Variants in DLG2 observed in about 807,000 individuals in gnomAD.
DLG2 encodes discs large MAGUK scaffold protein 2.
A neutral mutation model predicts 132.5 loss-of-function variants in DLG2; 45 were observed. That is an observed-to-expected ratio of 0.34 (90% CI 0.27 to 0.44). The LOEUF is 0.44. Ranked by LOEUF, DLG2 falls within the 20% of genes least tolerant of loss-of-function variation. The pLI is 1.00. For synonymous variants in DLG2, 424 were observed against 419.6 expected (o/e 1.01, Z -0.13); for missense variants, 1,045 against 1,196.9 (o/e 0.87, Z 1.87).
intron 4 of DLG2, among the ~76,000 whole-genome samples, chr11:85,198,643 G>T (rs960112250): frequency 6.6e-6 from 1 of 151,994 alleles, no homozygotes; most frequent in Non-Finnish European, 1.5e-5. Context: ...CAACAAAAAG[G>T]TATCATTTTA....
At chr11:83,977,110 C>T (rs2092330680) in intron 12 of DLG2, among the ~76,000 whole-genome samples, 1 of 151,938 alleles carries the variant, frequency 6.6e-6, no homozygotes, top group Non-Finnish European at 1.5e-5. Context: ...TAATTAGCTA[C>T]ATATTTTGAA....
At chr11:84,753,273 TTGGATAAAGATGTGAC>T (rs1315346586) in intron 6 of DLG2, among the ~76,000 whole-genome samples, 2 of 152,030 alleles carry the variant, frequency 1.3e-5, no homozygotes, top group Non-Finnish European at 2.9e-5. Flanking sequence ...TTTCTGGCCG[TTGGATAAAGATGTGAC>T]TGGATAAAGA....
At chr11:84,899,955 G>C (rs1590907470) in intron 6 of DLG2, among the ~76,000 whole-genome samples, 1 of 151,988 alleles carries the variant, frequency 6.6e-6, no homozygotes, top group Non-Finnish European at 1.5e-5. Flanking sequence ...TACCTTAGTG[G>C]CCTGAAAGAG....
At position 83,784,380 on chromosome 11, in the gene DLG2, A is replaced by T. The variant is rs533384717; in HGVS notation, c.1825+2310T>A. Among the ~76,000 whole-genome samples, 9 of 152,374 alleles carry T rather than the reference A, an allele frequency of 5.9e-5. No homozygotes were observed. In the East Asian group the frequency reaches 1.7e-3, roughly 29 times the overall value. On this transcript the variant is annotated intron_variant, in intron 18 of 27. Coordinates refer to ENST00000376104, the MANE Select transcript of DLG2 (RefSeq NM_001142699.3). ...GCTCAGTTACACGTAAAGTTTGGAT[A>T]GGAGAGGAAAGAAATCTGATTGCTT...
At chr11:85,419,691 C>T (rs2090143217) in intron 3 of DLG2, among the ~76,000 whole-genome samples, 1 of 152,208 alleles carries the variant, frequency 6.6e-6, no homozygotes, top group Admixed American at 6.5e-5. Context: ...GATCTTCAAT[C>T]TCTGATATCA....
intron 14 of DLG2, among the ~76,000 whole-genome samples, chr11:83,962,137 T>G (rs2088977114): frequency 6.6e-6 from 1 of 152,054 alleles, no homozygotes; most frequent in Non-Finnish European, 1.5e-5. Flanking sequence ...TCTATCATTC[T>G]TTACACACAA....
chr11:85,205,044 A>G (rs1156387324), intron 4 of DLG2, among the ~76,000 whole-genome samples: 1 of 151,888 alleles, frequency 6.6e-6, no homozygotes, highest in Non-Finnish European at 1.5e-5. Flanking sequence ...AAAATGGAGT[A>G]AAGTCTTAAA....
chr11:83,471,817 A>T lies in DLG2; in HGVS notation c.2345-90T>A, dbSNP rs111622612. The T allele has an allele frequency of 3.4e-4, 341 of 997,482 alleles. 4 individuals are homozygous for T. The African/African-American group carries it at 5.0e-3, about 15-fold the overall frequency. The allele number at this position is 997,482 out of a possible 1,614,324, so 61.8% of individuals were successfully genotyped here. ...TGCAAGGGTGATTCTTAATTGCCAGACAGTAAGAGATGCTAAGGGCATTAC... is the reference window on the plus strand; with the variant it reads ...TGCAAGGGTGATTCTTAATTGCCAGTCAGTAAGAGATGCTAAGGGCATTAC... On this transcript the variant is annotated intron_variant, in intron 23 of 27. Transcript: ENST00000376104.
At chr11:84,633,820 T>G (rs1335370065) in intron 6 of DLG2, among the ~76,000 whole-genome samples, 1 of 152,142 alleles carries the variant, frequency 6.6e-6, no homozygotes, top group Non-Finnish European at 1.5e-5. Flanking sequence ...CACACTGGCC[T>G]GCTCTCGTTG....
chr11:83,529,701 A>G (rs2095690618), intron 21 of DLG2, among the ~76,000 whole-genome samples: 1 of 152,088 alleles, frequency 6.6e-6, no homozygotes, highest in African/African-American at 2.4e-5. Flanking sequence ...GATGTAGTTT[A>G]AAGGTTTTAT....
chr11:84,549,043 T>C (rs985273306), intron 6 of DLG2, among the ~76,000 whole-genome samples: 5 of 152,198 alleles, frequency 3.3e-5, no homozygotes, highest in Non-Finnish European at 7.3e-5. Context: ...GTATAAGTTT[T>C]GTGATAAGGA....
intron 6 of DLG2, among the ~76,000 whole-genome samples, chr11:85,019,488 A>G (rs1276514230): frequency 6.6e-6 from 1 of 152,082 alleles, no homozygotes; most frequent in African/African-American, 2.4e-5. Context: ...TTTTCATTAT[A>G]CTTTAAGTTC....
chr11:85,042,871 AAAAT>A (rs1380640351), intron 6 of DLG2, among the ~76,000 whole-genome samples: 1 of 151,948 alleles, frequency 6.6e-6, no homozygotes, highest in East Asian at 1.9e-4. Flanking sequence ...GATATTTTAG[AAAAT>A]AAAGGAGGAA....
chr11:84,179,069 T>C (rs1450402256), intron 8 of DLG2, among the ~76,000 whole-genome samples: 1 of 151,958 alleles, frequency 6.6e-6, no homozygotes, highest in Non-Finnish European at 1.5e-5. Context: ...AAAGCAGCCA[T>C]AAATATGTGC....
At chr11:83,542,214 C>T (rs1438464198) in intron 19 of DLG2, among the ~76,000 whole-genome samples, 1 of 151,444 alleles carries the variant, frequency 6.6e-6, no homozygotes, top group Non-Finnish European at 1.5e-5. Flanking sequence ...TTTAAAATTA[C>T]TAAAAAAAGT....
At chr11:84,190,446 T>A (rs533190378) in intron 8 of DLG2, among the ~76,000 whole-genome samples, 1 of 152,292 alleles carries the variant, frequency 6.6e-6, no homozygotes, top group Non-Finnish European at 1.5e-5. Context: ...ACTGGGTCTT[T>A]TTCCCCCTCT....
chr11:84,615,703 A>G (rs943026925), intron 6 of DLG2, among the ~76,000 whole-genome samples: 2 of 151,502 alleles, frequency 1.3e-5, no homozygotes, highest in African/African-American at 4.9e-5. Context: ...AAATACCACA[A>G]AATAGAGGCT....
chr11:83,568,814 G>T (rs147426624), intron 19 of DLG2, among the ~76,000 whole-genome samples: 138 of 152,274 alleles, frequency 9.1e-4, no homozygotes, highest in Admixed American at 3.2e-3. Flanking sequence ...AAAGATCATG[G>T]AAGGAAAAGG....
intron 11 of DLG2, among the ~76,000 whole-genome samples, chr11:84,053,063 C>T (rs995883313): frequency 6.6e-6 from 1 of 151,992 alleles, no homozygotes; most frequent in Non-Finnish European, 1.5e-5. Flanking sequence ...TATATATACA[C>T]CATGGAATAC....
Sources: allele counts gnomAD v4.1 joint callset (sites outside exome capture counted in the v4.1 genomes callset), GRCh38; gene constraint gnomAD v4.1.1; transcripts MANE v1.5; gene names NCBI Gene and HGNC (gene_info 2026-07-23, HGNC 2026-07-21).